The following HRH1 variants were observed in gnomAD, a reference collection of about 807,000 sequenced individuals.
HRH1 encodes histamine receptor H1, also known as histamine H1 receptor.
In HRH1, 6 loss-of-function variants were observed where a neutral mutation model predicts 10.3. The ratio of observed to expected loss-of-function variants is 0.58; its 90% CI spans 0.32 to 1.15. The LOEUF (loss-of-function observed/expected upper bound fraction) is 1.15, where lower values mean the gene tolerates loss of function less well. Among genes scored for constraint, HRH1 ranks in the 50% most tolerant of loss-of-function variants. The pLI is 0.05. For missense variants in HRH1, 514 were observed against 615.3 expected (o/e 0.84, Z 1.74); for synonymous variants, 242 against 236.7 (o/e 1.02, Z -0.21).
chr3:11,234,226 C>CT, intron 1 of HRH1: 1 of 1,432,580 alleles, frequency 7.0e-7, no homozygotes, highest in Non-Finnish European at 9.6e-7. Flanking sequence ...TCCAAAAGGA[C>CT]TGGAGCCCAG....
intron 1 of HRH1, among the ~76,000 whole-genome samples, chr3:11,191,068 A>C (rs145909710): frequency 5.8e-4 from 88 of 152,250 alleles, no homozygotes; most frequent in African/African-American, 2.0e-3. Context: ...CCCTTGGCTC[A>C]GTGGCCAGCA....
At chr3:11,188,614 A>G (rs1937490910) in intron 1 of HRH1, among the ~76,000 whole-genome samples, 1 of 152,250 alleles carries the variant, frequency 6.6e-6, no homozygotes, top group Non-Finnish European at 1.5e-5. Flanking sequence ...GACGTGCATT[A>G]CAATTCTATT....
intron 1 of HRH1, among the ~76,000 whole-genome samples, chr3:11,229,889 C>T (rs1458518134): frequency 6.6e-6 from 1 of 152,124 alleles, no homozygotes; most frequent in Non-Finnish European, 1.5e-5. Context: ...AGACATAGAT[C>T]AGCAAGAATT....
At chr3:11,153,175 A>C (rs1936684609), upstream of HRH1, among the ~76,000 whole-genome samples, 1 of 152,182 alleles carries the variant, frequency 6.6e-6, no homozygotes, top group South Asian at 2.1e-4. Context: ...GACCTTGTGC[A>C]AGTTACTCAA....
chr3:11,148,859 A>G (rs1185392025), intron 1 of HRH1, among the ~76,000 whole-genome samples: 1 of 136,968 alleles, frequency 7.3e-6, no homozygotes, highest in African/African-American at 2.8e-5. Flanking sequence ...GAATGGGATC[A>G]CAGTCTTGTC....
intron 1 of HRH1, among the ~76,000 whole-genome samples, chr3:11,146,948 T>G (rs1303001105): frequency 1.3e-5 from 2 of 152,148 alleles, no homozygotes; most frequent in Non-Finnish European, 2.9e-5. Context: ...CAGATAGGAA[T>G]GAAGATGTGT....
rs761826956 is a variant in HRH1, at chr3:11,259,214, C to T, written c.177C>T (p.His59=). 6.2e-7 allele frequency: 1 copy of T among 1,613,652 alleles called. No individual in the cohort carries two copies. Among genetic ancestry groups the T allele is most frequent in the Admixed American group, 1.7e-5 (1 of 59,944 alleles). The stretch of plus-strand genomic sequence containing the variant: ...CCGTACGGAGTGAGCGGAAGCTCCA[C>T]ACTGTGGGGAACCTGTACATCGTCA... The part of the protein sequence containing the change: ...LYAVRSERKL[H]TVGNLYIVSL... Residue 59 remains histidine (H), a synonymous_variant, in exon 2 of 2, where the codon CAC becomes CAT. Transcript: ENST00000431010. This position sits in a 1 kb window ranked among gnomAD's most constrained non-coding sequence, Gnocchi z 4.6.
At chr3:11,183,180 T>G (rs2125017937) in intron 1 of HRH1, among the ~76,000 whole-genome samples, 1 of 152,280 alleles carries the variant, frequency 6.6e-6, no homozygotes, top group Middle Eastern at 3.4e-3. Flanking sequence ...AGGCTTGGAA[T>G]GTAACCATGT....
upstream of HRH1, among the ~76,000 whole-genome samples, chr3:11,152,499 G>A (rs1292917597): frequency 1.3e-5 from 2 of 152,174 alleles, no homozygotes; most frequent in African/African-American, 4.8e-5. Flanking sequence ...ACTAGCCCAG[G>A]AAGTGAAACT....
At chr3:11,176,214 AAT>A (rs1384073611) in intron 1 of HRH1, among the ~76,000 whole-genome samples, 1 of 151,996 alleles carries the variant, frequency 6.6e-6, no homozygotes, top group Non-Finnish European at 1.5e-5. Flanking sequence ...AAAACTGTGT[AAT>A]GAGTTTTTGC....
chr3:11,150,381 C>T (rs954065208), upstream of HRH1, among the ~76,000 whole-genome samples: 10 of 152,226 alleles, frequency 6.6e-5, no homozygotes, highest in Non-Finnish European at 1.5e-4. Context: ...CCACTTGGGG[C>T]GGCTGCATGA....
rs377026406 is a variant in HRH1, at chr3:11,183,456, GA to G, written c.-36+28903del. ...TGGCAACGAGTAGGTAGGGGTCGGG[GA>G]TGCTCCTAAACCTCCTACAGTGCAC... On this transcript the variant is annotated intron_variant, in intron 1 of 1. Coordinates refer to ENST00000431010, the MANE Select transcript of HRH1 (RefSeq NM_001098212.2). Among the ~76,000 whole-genome samples the G allele has an allele frequency of 5.3e-4, 80 of 152,278 alleles. 2 individuals carry two copies. In the South Asian group the frequency reaches 0.016, roughly 30 times the overall value.
chr3:11,184,917 C>CA (rs11360744), intron 1 of HRH1, among the ~76,000 whole-genome samples: 42,942 of 117,028 alleles, frequency 0.37, 7,375 homozygotes, highest in East Asian at 0.5. Context: ...GACTCCATTT[C>CA]AAAAAAAAAA....
At chr3:11,171,046 C>CA (rs149650567) in intron 1 of HRH1, among the ~76,000 whole-genome samples, 2,024 of 151,932 alleles carry the variant, frequency 0.013, 55 homozygotes, top group African/African-American at 0.047. Flanking sequence ...ATCTCTTCAT[C>CA]AAAATGTGTC....
chr3:11,220,174 A>G (rs1408193568), intron 1 of HRH1, among the ~76,000 whole-genome samples: 2 of 152,054 alleles, frequency 1.3e-5, no homozygotes, highest in Admixed American at 6.5e-5. Context: ...CTTTAATAAA[A>G]CAATACCTAT....
At position 11,142,183 on chromosome 3, in the gene HRH1, C is replaced by A. The variant is rs763399381; in HGVS notation, c.-36+4784C>A. Among the ~76,000 whole-genome samples, 17 of 152,192 alleles carry A rather than the reference C, an allele frequency of 1.1e-4. No individual in the cohort carries two copies. In the South Asian group the frequency reaches 2.1e-3, roughly 19 times the overall value. On this transcript the variant is annotated intron_variant, in intron 1 of 1. Coordinates refer to the HRH1 transcript ENST00000438284. ...GGAAAATCACCAAAGACTGGCAGCC[C>A]CTTTGGCAGAAACGGGTGGAAGAGA...
At chr3:11,184,246 T>C (rs1046880340) in intron 1 of HRH1, among the ~76,000 whole-genome samples, 1 of 152,208 alleles carries the variant, frequency 6.6e-6, no homozygotes, top group Admixed American at 6.5e-5. Flanking sequence ...CCTTTACATA[T>C]ATTAACGCAG....
At chr3:11,148,313 A>T (rs565172118) in intron 1 of HRH1, among the ~76,000 whole-genome samples, 1 of 152,174 alleles carries the variant, frequency 6.6e-6, no homozygotes, top group Admixed American at 6.5e-5. Context: ...ACTCCTCCCT[A>T]CCTTCACCAC....
intron 1 of HRH1, among the ~76,000 whole-genome samples, chr3:11,147,541 C>G (rs1936478844): frequency 6.6e-6 from 1 of 152,086 alleles, no homozygotes; most frequent in African/African-American, 2.4e-5. Context: ...AATAAGCTAC[C>G]TCAGCTATGA....
Sources: allele counts gnomAD v4.1 joint callset (sites outside exome capture counted in the v4.1 genomes callset), GRCh38; gene constraint gnomAD v4.1.1; non-coding constraint Gnocchi (gnomAD v3.1); transcripts MANE v1.5; gene names NCBI Gene and HGNC (gene_info 2026-07-23, HGNC 2026-07-21).